The following GRIP1 variants were observed in gnomAD, a reference collection of about 807,000 sequenced individuals.
The protein encoded by GRIP1 is glutamate receptor-interacting protein 1.
GRIP1 carries 45 observed loss-of-function variants against 129.9 expected under a neutral mutation model. The observed-to-expected ratio is 0.35, with a 90% CI of 0.27 to 0.44. The LOEUF (loss-of-function observed/expected upper bound fraction) is 0.44. Among genes scored for constraint, GRIP1 ranks in the 20% least tolerant of loss-of-function variants. The pLI, the probability that GRIP1 is intolerant of heterozygous loss-of-function variation, is 1.00. For synonymous variants in GRIP1, 530 were observed against 520.8 expected (o/e 1.02, Z -0.24); for missense variants, 1,196 against 1,396.8 (o/e 0.86, Z 2.29).
At chr12:66,681,958 G>C (rs951343522), upstream of GRIP1, among the ~76,000 whole-genome samples, 7 of 152,246 alleles carry the variant, frequency 4.6e-5, no homozygotes, top group Admixed American at 3.9e-4. Context: ...ATGTATCATG[G>C]AGCGACTCTG....
intron 7 of GRIP1, among the ~76,000 whole-genome samples, chr12:66,475,493 C>T (rs1402382850): frequency 6.6e-6 from 1 of 152,348 alleles, no homozygotes; most frequent in South Asian, 2.1e-4. Context: ...CAGACATCTA[C>T]AGAACTCCCC....
At chr12:66,389,931 G>A (rs2056516838) in intron 19 of GRIP1, among the ~76,000 whole-genome samples, 1 of 152,210 alleles carries the variant, frequency 6.6e-6, no homozygotes, top group Non-Finnish European at 1.5e-5. Context: ...CTTGGAGAAG[G>A]AAAGCCTCAA....
intron 7 of GRIP1, among the ~76,000 whole-genome samples, chr12:66,513,470 CTT>C (rs59427947): frequency 0.053 from 7,997 of 151,942 alleles, 678 homozygotes; most frequent in African/African-American, 0.18. Context: ...TAATATAGGT[CTT>C]TATGTATTTA....
intron 1 of GRIP1, among the ~76,000 whole-genome samples, chr12:66,598,061 A>G (rs928250502): frequency 1.3e-5 from 2 of 152,210 alleles, no homozygotes; most frequent in Non-Finnish European, 2.9e-5. Context: ...AATAGCAGGA[A>G]ATCGTTAAAG....
intron 1 of GRIP1, among the ~76,000 whole-genome samples, chr12:66,687,496 C>T (rs1463894075): frequency 1.3e-5 from 2 of 151,958 alleles, no homozygotes; most frequent in African/African-American, 4.8e-5. Context: ...GAGCACACCC[C>T]CTATGCCAGC....
chr12:66,882,017 T>TG (rs1278302193), intron 1 of GRIP1, among the ~76,000 whole-genome samples: 1 of 152,132 alleles, frequency 6.6e-6, no homozygotes, highest in Non-Finnish European at 1.5e-5. Context: ...TCCTATCCCC[T>TG]GTTCTGTATG....
chr12:66,428,298 A>G (rs1427013153), intron 14 of GRIP1, among the ~76,000 whole-genome samples: 1 of 152,184 alleles, frequency 6.6e-6, no homozygotes, highest in Non-Finnish European at 1.5e-5. Flanking sequence ...CAGTGAGTAG[A>G]GCTTTTTACT....
chr12:66,374,290 C>T (rs1050493257), intron 22 of GRIP1, among the ~76,000 whole-genome samples: 3 of 152,068 alleles, frequency 2.0e-5, no homozygotes, highest in Admixed American at 6.6e-5. Context: ...CGGGTTCAAG[C>T]GATTCTCTTG....
intron 1 of GRIP1, among the ~76,000 whole-genome samples, chr12:66,623,208 A>C (rs1256699066): frequency 6.6e-6 from 1 of 152,190 alleles, no homozygotes; most frequent in Non-Finnish European, 1.5e-5. Flanking sequence ...ATATAGCCTA[A>C]GTCTCTCTGC....
chr12:66,769,408 T>G (rs2136712150), intron 1 of GRIP1, among the ~76,000 whole-genome samples: 1 of 152,022 alleles, frequency 6.6e-6, no homozygotes, highest in African/African-American at 2.4e-5. Context: ...CTGTTTTACC[T>G]CCTCTTTCTG....
At chr12:66,719,804 G>A (rs1159274175) in intron 1 of GRIP1, among the ~76,000 whole-genome samples, 1 of 152,144 alleles carries the variant, frequency 6.6e-6, no homozygotes, top group Non-Finnish European at 1.5e-5. Flanking sequence ...GAATGTTCGG[G>A]CTTATGTACA....
At chr12:66,420,816 C>A in intron 14 of GRIP1, 27 bp from the exon 15 acceptor site, 1 of 1,213,680 alleles carries the variant, frequency 8.2e-7, no homozygotes, top group South Asian at 1.2e-5. Context: ...AGAATAATCA[C>A]ATCTTTATAT....
At position 66,972,936 on chromosome 12, in the gene GRIP1, G is replaced by C. The variant is rs191703152; in HGVS notation, c.58+96114C>G. Reference sequence around the variant, plus strand: ...AACTCCTGGCCCCCAAACAGGGTCCGGGGTGAAAAGAGAAGATGAAAGAAA... The same window carrying C: ...AACTCCTGGCCCCCAAACAGGGTCCCGGGTGAAAAGAGAAGATGAAAGAAA... On this transcript the variant is annotated intron_variant, in intron 1 of 1. Transcript: ENST00000643019. Among the ~76,000 whole-genome samples the C allele has an allele frequency of 4.8e-4, 73 of 152,276 alleles. No homozygotes were observed. The East Asian group carries it at 0.01, about 21-fold the overall frequency.
intron 1 of GRIP1, among the ~76,000 whole-genome samples, chr12:66,969,694 G>A (rs1273252706): frequency 2.6e-5 from 4 of 152,122 alleles, no homozygotes; most frequent in Non-Finnish European, 5.9e-5. Context: ...TGGGATCACA[G>A]GTGTGAGCCA....
chr12:66,393,156 T>C lies in GRIP1; in HGVS notation c.2130-340A>G, dbSNP rs893994529. On this transcript the variant is annotated intron_variant, in intron 17 of 24. Coordinates refer to ENST00000359742, the MANE Select transcript of GRIP1 (RefSeq NM_001366722.1). ...ATGTAGTGGATAGCATGGAGCATCC[T>C]TTCTTTCTACAGATTTTTTTTTTTT... Among the ~76,000 whole-genome samples, 48 of 150,880 alleles carry C rather than the reference T, an allele frequency of 3.2e-4. 1 individual carries two copies. The highest frequency in any genetic ancestry group is 6.7e-5 in the Admixed American group (1 of 14,944).
intron 2 of GRIP1, among the ~76,000 whole-genome samples, chr12:66,587,470 T>C (rs771884492): frequency 2.6e-5 from 4 of 152,264 alleles, no homozygotes; most frequent in Non-Finnish European, 4.4e-5. Context: ...AGGCCAGGCA[T>C]TCAATGTTTG....
At chr12:66,567,086 C>A (rs2062791899) in intron 2 of GRIP1, among the ~76,000 whole-genome samples, 1 of 152,124 alleles carries the variant, frequency 6.6e-6, no homozygotes, top group African/African-American at 2.4e-5. Flanking sequence ...CTCCTGGATT[C>A]ATTGATTTTT....
chr12:66,963,736 C>G (rs543264857), intron 1 of GRIP1, among the ~76,000 whole-genome samples: 1 of 152,234 alleles, frequency 6.6e-6, no homozygotes, highest in African/African-American at 2.4e-5. Context: ...TCCATTTCTA[C>G]AGCTTTAGGT....
chr12:66,455,130 C>T (rs1368105161), intron 11 of GRIP1, among the ~76,000 whole-genome samples: 7 of 152,034 alleles, frequency 4.6e-5, no homozygotes, highest in Non-Finnish European at 8.8e-5. Flanking sequence ...TATGTTATGA[C>T]ATCAAAAGAG....
Sources: allele counts gnomAD v4.1 joint callset (sites outside exome capture counted in the v4.1 genomes callset), GRCh38; gene constraint gnomAD v4.1.1; transcripts MANE v1.5; gene names NCBI Gene and HGNC (gene_info 2026-07-23, HGNC 2026-07-21).